The following IQUB variants were observed in gnomAD, a reference collection of about 807,000 sequenced individuals.
The protein encoded by IQUB is IQ motif and ubiquitin domain containing.
In IQUB, 86 loss-of-function variants were observed where a neutral mutation model predicts 86.4. The ratio of observed to expected loss-of-function variants is 1.00; its 90% CI spans 0.84 to 1.19. The LOEUF (loss-of-function observed/expected upper bound fraction) is 1.19. Among genes scored for constraint, IQUB ranks in the 50% most tolerant of loss-of-function variants. The pLI, the probability that IQUB is intolerant of heterozygous loss-of-function variation, is 0.00. For missense variants in IQUB, 946 were observed against 916.9 expected, an observed-to-expected ratio of 1.03 and a Z score of -0.41; for synonymous variants, 289 against 304.5, an observed-to-expected ratio of 0.95 and a Z score of 0.53.
At chr7:123,472,230 C>A (rs1314715581) in intron 8 of IQUB, among the ~76,000 whole-genome samples, 1 of 149,138 alleles carries the variant, frequency 6.7e-6, no homozygotes, top group African/African-American at 2.5e-5. Context: ...AGTGCAAGAC[C>A]CCAACTCAAA....
At chr7:123,514,996 A>C (rs1796578433) in intron 1 of IQUB, among the ~76,000 whole-genome samples, 1 of 152,194 alleles carries the variant, frequency 6.6e-6, no homozygotes, top group Non-Finnish European at 1.5e-5. Flanking sequence ...TAGTTTTTAA[A>C]TTTCAAAACA....
rs1213223588 is a variant in IQUB at position 123,512,344 on chromosome 7, C to T, written c.-4G>A. ...ACTTCTCCTGTTGATTAGACATTTT[C>T]CTGAATTAAGAAAAATAAACACATT... is the stretch of plus-strand genomic sequence containing the variant. On this transcript the variant is annotated splice_region_variant and 5_prime_UTR_variant, in exon 2 of 13. Coordinates refer to ENST00000324698, the MANE Select transcript of IQUB (RefSeq NM_178827.5). 6.6e-7 allele frequency: 1 copy of T among 1,523,618 alleles called. No individual in the cohort carries two copies. The highest frequency in any genetic ancestry group is 8.9e-7 in the Non-Finnish European group (1 of 1,126,458). The allele number at this position is 1,523,618 out of a possible 1,614,324, so 94.4% of individuals were successfully genotyped here. A position where few individuals can be genotyped will look rare whatever the true frequency, so the allele number is the denominator to read the frequency against.
In IQUB at chr7:123,457,504, G is replaced by A. The variant is rs767722313; in HGVS notation, c.2070C>T (p.Cys690=). The A allele has an allele frequency of 9.3e-6, 15 of 1,610,850 alleles. No homozygotes were observed. Among genetic ancestry groups the A allele is most frequent in the Middle Eastern group, 1.6e-4 (1 of 6,072 alleles). The change falls in exon 12 of 13, where the codon TGC becomes TGT. Residue 690 remains cysteine, a synonymous_variant. Transcript: ENST00000324698. Reference sequence around the variant, plus strand: ...CCATGACCAGATCACTGAGATTGTCGCAAGCACTGAGGACTGACTGGGACG... The same window carrying A: ...CCATGACCAGATCACTGAGATTGTCACAAGCACTGAGGACTGACTGGGACG... ...IWASQSVLSA[C]DNLSDLVMVR... is the part of the protein sequence containing the mutation.
chr7:123,498,361 TCAAAA>T (rs1795796153), intron 6 of IQUB, among the ~76,000 whole-genome samples: 1 of 151,482 alleles, frequency 6.6e-6, no homozygotes, highest in African/African-American at 2.4e-5. Flanking sequence ...CTAGAGTAAA[TCAAAA>T]CAAAACAAAA....
At chr7:123,461,287 C>T (rs1450580934) in intron 11 of IQUB, 70 bp downstream of exon 11, 4 of 1,422,232 alleles carry the variant, frequency 2.8e-6, no homozygotes, top group Non-Finnish European at 3.8e-6. Context: ...CACACACAAA[C>T]ATACATAAGA....
At chr7:123,454,676 A>T (rs1163059554) in intron 12 of IQUB, among the ~76,000 whole-genome samples, 1 of 152,146 alleles carries the variant, frequency 6.6e-6, no homozygotes, top group Non-Finnish European at 1.5e-5. Flanking sequence ...TAGTTCTAAG[A>T]ATATTACAGA....
At chr7:123,509,113 T>C (rs1219054751) in intron 3 of IQUB, among the ~76,000 whole-genome samples, 1 of 152,170 alleles carries the variant, frequency 6.6e-6, no homozygotes, top group African/African-American at 2.4e-5. Context: ...TCTGGAAACT[T>C]TTTGTGGCAT....
At chr7:123,519,501 A>G (rs963637054) in intron 1 of IQUB, among the ~76,000 whole-genome samples, 5 of 152,242 alleles carry the variant, frequency 3.3e-5, no homozygotes, top group African/African-American at 1.2e-4. Flanking sequence ...TTGCAACAAC[A>G]TGGGTGAAAC....
At chr7:123,483,838 T>C (rs975418396) in intron 7 of IQUB, among the ~76,000 whole-genome samples, 1 of 152,128 alleles carries the variant, frequency 6.6e-6, no homozygotes, top group African/African-American at 2.4e-5. Flanking sequence ...TACTCTTGCA[T>C]TGTTATATTC....
chr7:123,508,599 G>C (rs548899534), intron 3 of IQUB, among the ~76,000 whole-genome samples: 27 of 152,308 alleles, frequency 1.8e-4, no homozygotes, highest in African/African-American at 6.3e-4. Flanking sequence ...ACCTAAAGAC[G>C]AAAGGTCATG....
intron 7 of IQUB, among the ~76,000 whole-genome samples, chr7:123,485,501 AT>A (rs1289578353): frequency 6.6e-6 from 1 of 152,156 alleles, no homozygotes; most frequent in Admixed American, 6.6e-5. Context: ...AACCACAAAT[AT>A]TTTTAAGCAA....
chr7:123,489,528 GAAAAAATATTAAAAATATAAT>G (rs960096459), intron 7 of IQUB, among the ~76,000 whole-genome samples: 2 of 151,390 alleles, frequency 1.3e-5, no homozygotes, highest in Non-Finnish European at 2.9e-5. Flanking sequence ...TACTAAAATG[GAAAAAATATTAAAAATATAAT>G]AAACTTCAAA....
At chr7:123,505,352 G>A (rs996732849) in intron 3 of IQUB, among the ~76,000 whole-genome samples, 3 of 152,240 alleles carry the variant, frequency 2.0e-5, no homozygotes, top group African/African-American at 7.2e-5. Flanking sequence ...GGCACTCTGT[G>A]TGGGGGCTCC....
At chr7:123,518,269 C>T (rs73720275) in intron 1 of IQUB, among the ~76,000 whole-genome samples, 1,907 of 152,220 alleles carry the variant, frequency 0.013, 34 homozygotes, top group African/African-American at 0.043. Context: ...ACTACTGCAA[C>T]AGTCTCTTAG....
intron 7 of IQUB, among the ~76,000 whole-genome samples, chr7:123,480,858 T>C (rs1171077028): frequency 2.0e-5 from 3 of 152,172 alleles, no homozygotes; most frequent in East Asian, 1.9e-4. Flanking sequence ...ATATTTATGA[T>C]ATTTTAAAGC....
intron 3 of IQUB, among the ~76,000 whole-genome samples, chr7:123,509,127 T>A (rs1488750435): frequency 1.3e-5 from 2 of 152,192 alleles, no homozygotes; most frequent in East Asian, 3.9e-4. Flanking sequence ...GTGGCATCAT[T>A]ATAAGTCAAT....
intron 1 of IQUB, among the ~76,000 whole-genome samples, chr7:123,523,459 T>C (rs371695002): frequency 2.6e-5 from 4 of 151,940 alleles, no homozygotes; most frequent in East Asian, 1.9e-4. Context: ...GCCAGTGATG[T>C]TGAGCATTTT....
intron 3 of IQUB, among the ~76,000 whole-genome samples, chr7:123,506,618 T>A (rs553704141): frequency 1.3e-5 from 2 of 151,996 alleles, no homozygotes; most frequent in Admixed American, 1.3e-4. Context: ...GATAACTCAC[T>A]ATCACAAGAA....
At chr7:123,454,792 G>C (rs928690079) in intron 12 of IQUB, among the ~76,000 whole-genome samples, 3 of 152,082 alleles carry the variant, frequency 2.0e-5, no homozygotes, top group Non-Finnish European at 2.9e-5. Flanking sequence ...GTTTTGGGGA[G>C]GAAGACCACA....
Sources: allele counts gnomAD v4.1 joint callset (sites outside exome capture counted in the v4.1 genomes callset), GRCh38; gene constraint gnomAD v4.1.1; transcripts MANE v1.5; gene names NCBI Gene and HGNC (gene_info 2026-07-23, HGNC 2026-07-21).